Variants in NAP1L1 observed in about 807,000 individuals in gnomAD.
NAP1L1 encodes nucleosome assembly protein 1 like 1.
Under a neutral mutation model 58.9 loss-of-function variants are expected in NAP1L1, and 9 were observed. That is an observed-to-expected ratio of 0.15 (90% CI 0.09 to 0.27). The LOEUF (loss-of-function observed/expected upper bound fraction) is 0.27. NAP1L1 is among the 10% of genes least tolerant of loss of function. NAP1L1 has a pLI of 1.00. For missense variants in NAP1L1, 302 were observed against 458.8 expected, an observed-to-expected ratio of 0.66 and a Z score of 3.12; for synonymous variants, 130 against 138.3, an observed-to-expected ratio of 0.94 and a Z score of 0.42.
At chr12:76,061,098 A>C in intron 4 of NAP1L1, 1 of 409,482 alleles carries the variant, frequency 2.4e-6, no homozygotes, top group Non-Finnish European at 4.8e-6. Context: ...CTGTCTCAAA[A>C]ATAAATAACA....
intron 4 of NAP1L1, chr12:76,061,086 C>A: frequency 1.2e-5 from 5 of 419,788 alleles, no homozygotes; most frequent in Non-Finnish European, 2.4e-5. Flanking sequence ...CAGAATGAGA[C>A]CCTGTCTCAA....
chr12:76,075,173 T>C (rs1027092690), intron 1 of NAP1L1, among the ~76,000 whole-genome samples: 2 of 152,074 alleles, frequency 1.3e-5, no homozygotes, highest in African/African-American at 4.8e-5. Context: ...ATCAAGTTTA[T>C]CTTAGCCAGG....
chr12:76,057,880 G>C (rs1350444415), intron 6 of NAP1L1: 65 of 1,420,904 alleles, frequency 4.6e-5, no homozygotes, highest in Non-Finnish European at 6.0e-5. Flanking sequence ...TACCACAAAA[G>C]GTTACTATAG....
intron 6 of NAP1L1, chr12:76,056,691 A>C: frequency 2.3e-6 from 1 of 444,428 alleles, no homozygotes; most frequent in Non-Finnish European, 4.5e-6. Context: ...AAGTTAAAAA[A>C]AAAAAAAGAA....
rs189906756 is a variant in NAP1L1, at chr12:76,050,382, C to T, written c.1059+149G>A. On this transcript the variant is annotated intron_variant, in intron 12 of 14. Coordinates refer to ENST00000618691, the MANE Select transcript of NAP1L1 (RefSeq NM_004537.7). ...AAATCCTAAGGAGACATACTTAAAACCCAGAAAAGCTATATACAGAACATC... is the reference window on the plus strand; with the variant it reads ...AAATCCTAAGGAGACATACTTAAAATCCAGAAAAGCTATATACAGAACATC... The T allele has an allele frequency of 6.5e-5, 58 of 893,036 alleles. No homozygotes were observed. In the African/African-American group the frequency reaches 7.0e-4, roughly 11 times the overall value. The allele number at this position is 893,036 out of a possible 1,614,324, so 55.3% of individuals were successfully genotyped here.
At position 76,071,670 on chromosome 12, in the gene NAP1L1, A is replaced by C. The variant is rs180717203; in HGVS notation, c.17+2533T>G. Among the ~76,000 whole-genome samples, 25 of 152,310 alleles carry C rather than the reference A, an allele frequency of 1.6e-4. No individual in the cohort carries two copies. In the East Asian group the frequency reaches 4.6e-3, roughly 28 times the overall value. ...TAGCACCAGGTACATTTCTAGAACT[A>C]GGGCAAGGGGTGGGACAGGAGAGAA... is the stretch of plus-strand genomic sequence containing the variant. On this transcript the variant is annotated intron_variant, in intron 2 of 14. Coordinates refer to ENST00000618691, the MANE Select transcript of NAP1L1 (RefSeq NM_004537.7).
chr12:76,052,643 G>C (rs1565717258), intron 11 of NAP1L1, among the ~76,000 whole-genome samples: 1 of 152,142 alleles, frequency 6.6e-6, no homozygotes, highest in Non-Finnish European at 1.5e-5. Context: ...CCTCAGTTCA[G>C]TCTATATGGC....
chr12:76,075,965 A>G (rs935426825), intron 1 of NAP1L1, among the ~76,000 whole-genome samples: 1 of 152,166 alleles, frequency 6.6e-6, no homozygotes, highest in African/African-American at 2.4e-5. Flanking sequence ...GGAGTTCAAG[A>G]CAAGCCTTGG....
At chr12:76,081,087 T>TA (rs1555187738) in intron 1 of NAP1L1, among the ~76,000 whole-genome samples, 3 of 151,626 alleles carry the variant, frequency 2.0e-5, no homozygotes, top group African/African-American at 4.9e-5. Flanking sequence ...TCTTTTTTTT[T>TA]AAATAAATTA....
Position 76,041,632 on chromosome 12 carries a change from A to T in NAP1L1, c.*6797T>A, listed in dbSNP as rs1948551416. ...TGCGGCAGCTCCCACTTGTAAGCAT[A>T]GCACCTCAGGAGGTTGAGGTGAGAC... On this transcript the variant is annotated 3_prime_UTR_variant, in exon 15 of 15. Transcript: ENST00000618691. 6.6e-6 allele frequency: 1 copy of T among 152,238 alleles called. No individual in the cohort carries two copies. Among genetic ancestry groups the T allele is most frequent in the Non-Finnish European group, 1.5e-5 (1 of 68,056 alleles). 9.4% of individuals were successfully genotyped at this position (152,238 alleles called of 1,614,324 possible).
At chr12:76,078,571 T>C (rs959239495) in intron 1 of NAP1L1, among the ~76,000 whole-genome samples, 8 of 152,202 alleles carry the variant, frequency 5.3e-5, no homozygotes, top group African/African-American at 1.7e-4. Flanking sequence ...TTGTCTTTGA[T>C]CTAAGTTTGA....
intron 2 of NAP1L1, among the ~76,000 whole-genome samples, chr12:76,072,651 G>C (rs1489283912): frequency 6.6e-6 from 1 of 152,148 alleles, no homozygotes; most frequent in Non-Finnish European, 1.5e-5. Context: ...AGCCAGAGTA[G>C]CTTCCAGAAA....
At chr12:76,077,693 G>C (rs745982531) in intron 1 of NAP1L1, among the ~76,000 whole-genome samples, 2 of 151,986 alleles carry the variant, frequency 1.3e-5, no homozygotes, top group African/African-American at 4.8e-5. Flanking sequence ...TTCTACCAAT[G>C]AAAAATATGG....
In NAP1L1 at chr12:76,060,302, T is replaced by C. The variant is rs781540597; in HGVS notation, c.207-23A>G. 2.9e-5 allele frequency: 47 copies of C among 1,609,664 alleles called. No homozygotes were observed. The East Asian group carries it at 9.4e-4, about 32-fold the overall frequency. On this transcript the variant is annotated intron_variant, in intron 4 of 14. Transcript: ENST00000618691. The stretch of plus-strand genomic sequence containing the variant: ...AGGCTGAAAGGTTAGAAATCAGTTA[T>C]ATAGCATCAGAGTAAAATGGAAGTC...
intron 4 of NAP1L1, 117 bp downstream of exon 4, chr12:76,067,254 T>C (rs1315142972): frequency 5.5e-6 from 4 of 725,670 alleles, no homozygotes; most frequent in Non-Finnish European, 9.2e-6. Context: ...CTATACTGGA[T>C]ACTAACAGAC....
In NAP1L1 at chr12:76,036,631, A is replaced by G. The variant is rs541419912; in HGVS notation, c.*11798T>C. On this transcript the variant is annotated 3_prime_UTR_variant, in exon 15 of 15. Coordinates refer to ENST00000618691, the MANE Select transcript of NAP1L1 (RefSeq NM_004537.7). ...AATTCATAATGATTACAAAATTCTG[A>G]TCTGTAAACCAATTTGCAATATACA... is the stretch of plus-strand genomic sequence containing the variant. The G allele has an allele frequency of 6.6e-6, 1 of 152,348 alleles. No homozygotes were observed. The highest frequency in any genetic ancestry group is 1.9e-4 in the East Asian group (1 of 5,194). 9.4% of individuals were successfully genotyped at this position (152,348 alleles called of 1,614,324 possible).
intron 1 of NAP1L1, among the ~76,000 whole-genome samples, chr12:76,077,000 C>T (rs1408625920): frequency 2.0e-5 from 3 of 152,128 alleles, no homozygotes; most frequent in African/African-American, 4.8e-5. Flanking sequence ...TTCCAATACA[C>T]AAATTTATTC....
At chr12:76,079,907 T>G (rs1180503797) in intron 1 of NAP1L1, among the ~76,000 whole-genome samples, 2 of 152,162 alleles carry the variant, frequency 1.3e-5, no homozygotes, top group Non-Finnish European at 2.9e-5. Flanking sequence ...TCGCCTAGAC[T>G]GGTCTGGAAA....
intron 1 of NAP1L1, among the ~76,000 whole-genome samples, chr12:76,077,857 A>T (rs2137103841): frequency 6.6e-6 from 1 of 151,680 alleles, no homozygotes; most frequent in Middle Eastern, 3.4e-3. Context: ...GGTTGCACAC[A>T]CCTGTAGTCC....
Sources: gnomAD v4.1 joint callset for allele counts (sites outside exome capture counted in the v4.1 genomes callset) on GRCh38, gnomAD v4.1.1 for gene constraint, MANE v1.5 for transcripts, NCBI Gene and HGNC (gene_info 2026-07-23, HGNC 2026-07-21) for gene names.